The following PRUNE2 variants were observed in gnomAD, a reference collection of about 807,000 sequenced individuals.
The protein encoded by PRUNE2 is protein prune homolog 2.
PRUNE2 carries 164 observed loss-of-function variants against 252.0 expected under a neutral mutation model. That is an observed-to-expected ratio of 0.65 (90% CI 0.57 to 0.74). The LOEUF (loss-of-function observed/expected upper bound fraction) is 0.74, where lower values mean the gene tolerates loss of function less well. PRUNE2 is among the 30% of genes least tolerant of loss of function. PRUNE2 has a pLI of 0.00. For synonymous variants in PRUNE2, 1,292 were observed against 1,350.2 expected, an observed-to-expected ratio of 0.96 and a Z score of 0.94; for missense variants, 3,495 against 3,711.0, an observed-to-expected ratio of 0.94 and a Z score of 1.51.
rs2046585812 is a variant in PRUNE2, at chr9:76,709,872, C to T, written c.2402G>A (p.Ser801Asn). The T allele has an allele frequency of 6.2e-7, 1 of 1,613,902 alleles. No homozygotes were observed. Among genetic ancestry groups the T allele is most frequent in the South Asian group, 1.1e-5 (1 of 91,070 alleles). The change falls in exon 8 of 19, where the codon AGT becomes AAT. Residue 801 changes from serine (S) to asparagine (N), a missense_variant. Coordinates refer to ENST00000376718, the MANE Select transcript of PRUNE2 (RefSeq NM_015225.3). ...ATCATGATCTTCTTTACCAAATGCACTCCAGGCTGGGAATGGCGCCACAGC... is the reference window on the plus strand; with the variant it reads ...ATCATGATCTTCTTTACCAAATGCATTCCAGGCTGGGAATGGCGCCACAGC... The part of the protein sequence containing the change: ...PAAVAPFPAW[S>N]AFGKEDHDEA...
chr9:76,850,004 T>C (rs1053150774), intron 3 of PRUNE2, among the ~76,000 whole-genome samples: 1 of 152,196 alleles, frequency 6.6e-6, no homozygotes, highest in Non-Finnish European at 1.5e-5. Context: ...GCATGTCCTC[T>C]GCCTTGCCGT....
intron 16 of PRUNE2, among the ~76,000 whole-genome samples, chr9:76,627,266 A>C (rs1835253137): frequency 8.2e-6 from 1 of 122,270 alleles, no homozygotes; most frequent in African/African-American, 2.6e-5. Context: ...ACACCCGGCT[A>C]ATTTTTGTGT....
intron 9 of PRUNE2, among the ~76,000 whole-genome samples, chr9:76,698,137 C>T (rs985697457): frequency 6.7e-6 from 1 of 149,100 alleles, no homozygotes; most frequent in Admixed American, 6.7e-5. Flanking sequence ...ACCTCCGCCT[C>T]CTGGGTTCAA....
chr9:76,719,629 A>G (rs557276924), intron 6 of PRUNE2, among the ~76,000 whole-genome samples: 5 of 151,962 alleles, frequency 3.3e-5, no homozygotes, highest in Non-Finnish European at 5.9e-5. Flanking sequence ...TAAAAGAAAA[A>G]AAAGATTAAA....
intron 11 of PRUNE2, among the ~76,000 whole-genome samples, chr9:76,649,743 A>G (rs1846589555): frequency 6.6e-6 from 1 of 152,174 alleles, no homozygotes; most frequent in Non-Finnish European, 1.5e-5. Context: ...TACCAATTCC[A>G]TGGACACAAC....
rs373565657 is a variant in PRUNE2 at position 76,727,710 on chromosome 9, CTTTTTTTT to C, written c.757-13997_757-13990del. Among the ~76,000 whole-genome samples, 5 of 42,908 alleles carry C rather than the reference CTTTTTTTT, an allele frequency of 1.2e-4. No homozygotes were observed. The East Asian group carries it at 2.2e-3, about 19-fold the overall frequency. The allele number at this position is 42,908 out of a possible 152,430, so 28.1% of individuals were successfully genotyped here. A position where few individuals can be genotyped will look rare whatever the true frequency, so the allele number is the denominator to read the frequency against. ...CCAACTTAGTTATGGGTAAACAGGGCTTTTTTTTTTTTTTTTTTTTTTGAAACAGGGTC... is the reference window on the plus strand; with the variant it reads ...CCAACTTAGTTATGGGTAAACAGGGCTTTTTTTTTTTTTTGAAACAGGGTC... On this transcript the variant is annotated intron_variant, in intron 6 of 18. Transcript: ENST00000376718.
intron 18 of PRUNE2, among the ~76,000 whole-genome samples, chr9:76,618,255 CCTTT>C (rs2131915867): frequency 6.6e-6 from 1 of 152,246 alleles, no homozygotes; most frequent in African/African-American, 2.4e-5. Context: ...GCCTAAACTT[CCTTT>C]AAGTTGCAAG....
At chr9:76,830,384 G>A (rs1361839271) in intron 4 of PRUNE2, among the ~76,000 whole-genome samples, 1 of 152,158 alleles carries the variant, frequency 6.6e-6, no homozygotes, top group Non-Finnish European at 1.5e-5. Flanking sequence ...TGGGCACGGT[G>A]GCTCACACCT....
intron 1 of PRUNE2, among the ~76,000 whole-genome samples, chr9:76,860,696 A>C (rs554204462): frequency 1.3e-5 from 2 of 152,378 alleles, no homozygotes; most frequent in South Asian, 4.1e-4. Context: ...CAAAACCCAC[A>C]GAAGTTGGAG....
rs757596153 is a variant in PRUNE2 at position 76,706,626 on chromosome 9, T to C, written c.5648A>G (p.Tyr1883Cys). ...ATGGTTGTCACTAAAAGGATTAGTATAGTGTGTTTCCACGGGCTCAATATC... is the reference window on the plus strand; with the variant it reads ...ATGGTTGTCACTAAAAGGATTAGTACAGTGTGTTTCCACGGGCTCAATATC... Reference protein sequence around the residue: ...QGDIEPVETHYTNPFSDNHQS... With the variant: ...QGDIEPVETHCTNPFSDNHQS... Residue 1883 changes from tyrosine (Y) to cysteine (C), a missense_variant, in exon 8 of 19, where the codon TAT (tyrosine) becomes TGT (cysteine). Coordinates refer to ENST00000376718, the MANE Select transcript of PRUNE2 (RefSeq NM_015225.3). The C allele has an allele frequency of 3.7e-5, 59 of 1,613,878 alleles. No homozygotes were observed. Among genetic ancestry groups the C allele is most frequent in the Admixed American group, 6.7e-5 (4 of 60,000 alleles).
intron 6 of PRUNE2, among the ~76,000 whole-genome samples, chr9:76,762,542 G>A (rs2130756512): frequency 6.6e-6 from 1 of 152,294 alleles, no homozygotes; most frequent in East Asian, 1.9e-4. Flanking sequence ...CTCTGAGAGA[G>A]GTGGTGAGAT....
intron 1 of PRUNE2, among the ~76,000 whole-genome samples, chr9:76,902,891 A>C: frequency 6.6e-6 from 1 of 152,194 alleles, no homozygotes; most frequent in East Asian, 1.9e-4. Flanking sequence ...AGGTATTAGA[A>C]AGGGAGATTT....
chr9:76,761,346 T>C, intron 6 of PRUNE2, among the ~76,000 whole-genome samples: 1 of 152,168 alleles, frequency 6.6e-6, no homozygotes, highest in East Asian at 1.9e-4. Context: ...GAAGGGGTGA[T>C]GCATCTGTGA....
Position 76,709,247 on chromosome 9 carries a change from G to A in PRUNE2, c.3027C>T (p.Asp1009=), listed in dbSNP as rs1420072391. The A allele has an allele frequency of 6.4e-7, 1 of 1,562,536 alleles. No individual in the cohort carries two copies. Among genetic ancestry groups the A allele is most frequent in the African/African-American group, 1.6e-5 (1 of 64,288 alleles). The change falls in exon 8 of 19, where the codon GAC becomes GAT. Residue 1009 remains aspartate, a synonymous_variant. Transcript: ENST00000376718. ...KDGNSTAEET[D]IPPQSLQQSS... is the part of the protein sequence containing the mutation. The stretch of plus-strand genomic sequence containing the variant: ...ACTGTTGCAGTGACTGAGGAGGAAT[G>A]TCAGTCTCCTCTGCCGTGGAGTTAC...
chr9:76,741,499 A>T (rs2049618368), intron 6 of PRUNE2, among the ~76,000 whole-genome samples: 8 of 152,210 alleles, frequency 5.3e-5, no homozygotes, highest in Admixed American at 4.6e-4. Flanking sequence ...ATAAGCTAGG[A>T]ATCAGCCTTT....
rs914691594 is a variant in PRUNE2 at position 76,788,764 on chromosome 9, T to A, written c.756+34868A>T. 3.3e-5 allele frequency among the ~76,000 whole-genome samples: 5 copies of A among 152,188 alleles called. No individual in the cohort carries two copies. The East Asian group carries it at 9.6e-4, about 29-fold the overall frequency. ...AGAGAGAGAGACTCATATTTGCAAG[T>A]AGAGAGAAACTAATTAATTCTTGAC... On this transcript the variant is annotated intron_variant, in intron 6 of 18. Transcript: ENST00000376718.
At position 76,624,443 on chromosome 9, in the gene PRUNE2, A is replaced by C. The variant is rs1833795886; in HGVS notation, c.9188+9T>G. On this transcript the variant is annotated intron_variant, in intron 17 of 18. Coordinates refer to ENST00000376718, the MANE Select transcript of PRUNE2 (RefSeq NM_015225.3). Reference sequence around the variant, plus strand: ...TCATGCCAGCCGCTAAACGAAAACCAAGTCTTACTTAGCTGCCTCTGATGC... The same window carrying C: ...TCATGCCAGCCGCTAAACGAAAACCCAGTCTTACTTAGCTGCCTCTGATGC... 1 of 1,415,110 alleles carries C rather than the reference A, an allele frequency of 7.1e-7. No homozygotes were observed. The highest frequency in any genetic ancestry group is 9.3e-7 in the Non-Finnish European group (1 of 1,078,048). The allele number at this position is 1,415,110 out of a possible 1,614,324, so 87.7% of individuals were successfully genotyped here. A position where few individuals can be genotyped will look rare whatever the true frequency, so the allele number is the denominator to read the frequency against.
intron 6 of PRUNE2, among the ~76,000 whole-genome samples, chr9:76,765,901 G>A (rs1205302204): frequency 6.6e-6 from 1 of 152,150 alleles, no homozygotes; most frequent in Non-Finnish European, 1.5e-5. Context: ...TCTCGTTAGA[G>A]GCCAGACGCG....
At chr9:76,780,001 T>C (rs2054197276) in intron 6 of PRUNE2, 1 of 152,224 alleles carries the variant, frequency 6.6e-6, no homozygotes, top group African/African-American at 2.4e-5. Flanking sequence ...TCGTAACTAG[T>C]AAAATCCATC....
Sources: gnomAD v4.1 joint callset for allele counts (sites outside exome capture counted in the v4.1 genomes callset) on GRCh38, gnomAD v4.1.1 for gene constraint, MANE v1.5 for transcripts, NCBI Gene and HGNC (gene_info 2026-07-23, HGNC 2026-07-21) for gene names.